THSD7B: variants seen among roughly 807,000 people sequenced by gnomAD.
The protein encoded by THSD7B is thrombospondin type 1 domain containing 7B.
In THSD7B, 138 loss-of-function variants were observed where a neutral mutation model predicts 213.6. The ratio of observed to expected loss-of-function variants is 0.65; its 90% CI spans 0.56 to 0.74. The LOEUF (loss-of-function observed/expected upper bound fraction) is 0.74, where lower values mean the gene tolerates loss of function less well. Among genes scored for constraint, THSD7B ranks in the 30% least tolerant of loss-of-function variants. THSD7B has a pLI of 0.00. For synonymous variants in THSD7B, 742 were observed against 687.0 expected, an observed-to-expected ratio of 1.08 and a Z score of -1.25; for missense variants, 1,931 against 1,991.5, an observed-to-expected ratio of 0.97 and a Z score of 0.58.
At chr2:136,841,234 A>C (rs569537249) in intron 1 of THSD7B, among the ~76,000 whole-genome samples, 1 of 152,304 alleles carries the variant, frequency 6.6e-6, no homozygotes, top group African/African-American at 2.4e-5. Context: ...GTGCTTAAAA[A>C]TATATTTTAC....
intron 20 of THSD7B, among the ~76,000 whole-genome samples, chr2:137,635,064 A>T (rs1332757513): frequency 1.3e-5 from 2 of 152,140 alleles, no homozygotes; most frequent in Non-Finnish European, 2.9e-5. Context: ...GTTGTTTATA[A>T]TGAGGTCCCA....
chr2:136,912,430 T>C (rs1684278876), intron 2 of THSD7B, among the ~76,000 whole-genome samples: 1 of 151,192 alleles, frequency 6.6e-6, no homozygotes, highest in Non-Finnish European at 1.5e-5. Context: ...AACTAAAGGG[T>C]TTAACACAGT....
chr2:137,383,434 A>G (rs998967108), intron 12 of THSD7B, among the ~76,000 whole-genome samples: 1 of 152,172 alleles, frequency 6.6e-6, no homozygotes, highest in African/African-American at 2.4e-5. Context: ...AGGCCTATGC[A>G]TCAGACCTGT....
At chr2:136,984,225 A>G (rs1026447985) in intron 2 of THSD7B, among the ~76,000 whole-genome samples, 6 of 152,168 alleles carry the variant, frequency 3.9e-5, no homozygotes. Context: ...AAGATGTGGA[A>G]TGGACAGGTT....
chr2:137,306,521 A>G (rs1683750855), intron 12 of THSD7B, among the ~76,000 whole-genome samples: 1 of 152,138 alleles, frequency 6.6e-6, no homozygotes, highest in South Asian at 2.1e-4. Flanking sequence ...CATCACCATC[A>G]TCATTATTCT....
chr2:137,104,959 A>G (rs1233886173), intron 4 of THSD7B, among the ~76,000 whole-genome samples: 1 of 152,230 alleles, frequency 6.6e-6, no homozygotes, highest in African/African-American at 2.4e-5. Context: ...ACGGATTCAC[A>G]GCCGAATTCT....
intron 10 of THSD7B, among the ~76,000 whole-genome samples, chr2:137,255,806 T>C (rs1186766101): frequency 6.6e-6 from 1 of 152,128 alleles, no homozygotes; most frequent in Non-Finnish European, 1.5e-5. Flanking sequence ...ACTCCTGGGC[T>C]TAAGCCTCCT....
chr2:136,854,934 C>CTTTT (rs1160791584), intron 1 of THSD7B, among the ~76,000 whole-genome samples: 1 of 152,030 alleles, frequency 6.6e-6, no homozygotes, highest in Non-Finnish European at 1.5e-5. Flanking sequence ...GGGTTTTATT[C>CTTTT]TTTTTAAATT....
chr2:136,868,118 G>A (rs935268280), intron 1 of THSD7B, among the ~76,000 whole-genome samples: 11 of 137,992 alleles, frequency 8.0e-5, no homozygotes, highest in Admixed American at 1.4e-4. Context: ...ACACACGCGC[G>A]CGCACACACA....
intron 14 of THSD7B, among the ~76,000 whole-genome samples, chr2:137,421,518 G>C (rs977427454): frequency 6.6e-6 from 1 of 152,184 alleles, no homozygotes; most frequent in Non-Finnish European, 1.5e-5. Context: ...AGAGACAAGA[G>C]GGGCATGGGG....
intron 1 of THSD7B, among the ~76,000 whole-genome samples, chr2:136,767,019 C>T (rs911536262): frequency 6.6e-6 from 1 of 151,416 alleles, no homozygotes; most frequent in Non-Finnish European, 1.5e-5. Flanking sequence ...TGCGTGTGAA[C>T]GTGTGTGTTT....
At chr2:137,284,608 G>C (rs6715640) in intron 12 of THSD7B, among the ~76,000 whole-genome samples, 3,648 of 152,000 alleles carry the variant, frequency 0.024, 68 homozygotes, top group African/African-American at 0.043. Flanking sequence ...TGTCTTTGTT[G>C]TCGTTGGTTT....
intron 4 of THSD7B, among the ~76,000 whole-genome samples, chr2:137,112,884 G>T (rs1363275648): frequency 6.6e-6 from 1 of 151,936 alleles, no homozygotes; most frequent in African/African-American, 2.4e-5. Context: ...TATATGTCAG[G>T]CTCAATGATT....
chr2:137,555,480 C>A (rs776270244), intron 15 of THSD7B, among the ~76,000 whole-genome samples: 2 of 152,206 alleles, frequency 1.3e-5, no homozygotes, highest in African/African-American at 4.8e-5. Context: ...GCAGCTGAGG[C>A]TCCTGACTGT....
At chr2:137,450,471 G>C (rs1053012626) in intron 14 of THSD7B, among the ~76,000 whole-genome samples, 1 of 152,174 alleles carries the variant, frequency 6.6e-6, no homozygotes, top group African/African-American at 2.4e-5. Flanking sequence ...CCTTAAGAAG[G>C]ATGGACTCTT....
chr2:137,453,086 G>T (rs1687684147), intron 15 of THSD7B, among the ~76,000 whole-genome samples: 1 of 151,868 alleles, frequency 6.6e-6, no homozygotes, highest in Admixed American at 6.6e-5. Context: ...AATTTAGTTT[G>T]GCTTTTAGTT....
chr2:137,156,667 T>C (rs562124336), intron 5 of THSD7B, among the ~76,000 whole-genome samples: 1 of 152,304 alleles, frequency 6.6e-6, no homozygotes, highest in East Asian at 1.9e-4. Context: ...ATAATATCTG[T>C]GGAGACACAG....
At chr2:137,233,281 CAT>C in intron 9 of THSD7B, 148 bp downstream of exon 9, 2 of 709,138 alleles carry the variant, frequency 2.8e-6, no homozygotes, top group Non-Finnish European at 4.6e-6. Flanking sequence ...AAGATTAAAA[CAT>C]GTGCCTCAAA....
rs1553455589 is a variant in THSD7B, at chr2:136,887,329, T to TGTGTGA, written c.139+5013_139+5014insTGTGAG. ...GTGTGTGTGTGTGTGTGTGTGTGTGTGACAGGCTTTTAAAATAGCCTTCAG... is the reference window on the plus strand; with the variant it reads ...GTGTGTGTGTGTGTGTGTGTGTGTGTGTGTGAGACAGGCTTTTAAAATAGCCTTCAG... On this transcript the variant is annotated intron_variant, in intron 2 of 27. Transcript: ENST00000409968. Among the ~76,000 whole-genome samples the TGTGTGA allele has an allele frequency of 6.0e-4, 90 of 151,138 alleles. No individual in the cohort carries two copies. The Middle Eastern group carries it at 0.01, about 17-fold the overall frequency.
Sources: gnomAD v4.1 joint callset for allele counts (sites outside exome capture counted in the v4.1 genomes callset) on GRCh38, gnomAD v4.1.1 for gene constraint, MANE v1.5 for transcripts, NCBI Gene and HGNC (gene_info 2026-07-23, HGNC 2026-07-21) for gene names.